KCNQ3: variants seen among roughly 807,000 people sequenced by gnomAD.
The protein encoded by KCNQ3 is potassium voltage-gated channel subfamily Q member 3.
In KCNQ3, 30 loss-of-function variants were observed where a neutral mutation model predicts 92.5. That is an observed-to-expected ratio of 0.32 (90% confidence interval 0.24 to 0.44). The LOEUF is 0.44. KCNQ3 is among the 20% of genes least tolerant of loss of function. The pLI is 1.00. For missense variants in KCNQ3, 913 were observed against 1,140.3 expected, an observed-to-expected ratio of 0.80 and a Z score of 2.87; for synonymous variants, 450 against 468.8, an observed-to-expected ratio of 0.96 and a Z score of 0.52.
At chr8:132,436,455 A>C (rs1821397704) in intron 1 of KCNQ3, among the ~76,000 whole-genome samples, 1 of 152,248 alleles carries the variant, frequency 6.6e-6, no homozygotes, top group Admixed American at 6.5e-5. Context: ...AGAAAAACTG[A>C]AAACAGCAGT....
At chr8:132,217,729 A>C (rs1430721981) in intron 1 of KCNQ3, among the ~76,000 whole-genome samples, 4 of 150,964 alleles carry the variant, frequency 2.6e-5, no homozygotes, top group East Asian at 1.9e-4. Flanking sequence ...AAAAAAAAAA[A>C]ACAAAACACT....
At chr8:132,300,322 T>A (rs1166937368) in intron 1 of KCNQ3, among the ~76,000 whole-genome samples, 1 of 152,198 alleles carries the variant, frequency 6.6e-6, no homozygotes, top group Non-Finnish European at 1.5e-5. Flanking sequence ...GCCTCCCATA[T>A]GACAGGAGTG....
chr8:132,258,414 G>T (rs925773010), intron 1 of KCNQ3, among the ~76,000 whole-genome samples: 1 of 151,864 alleles, frequency 6.6e-6, no homozygotes, highest in East Asian at 1.9e-4. Context: ...TCATCAAGGG[G>T]TCGGAAATAA....
intron 1 of KCNQ3, among the ~76,000 whole-genome samples, chr8:132,345,570 G>C (rs929933505): frequency 6.6e-6 from 1 of 152,240 alleles, no homozygotes; most frequent in East Asian, 1.9e-4. Context: ...TATACAGTGA[G>C]AGCACATACT....
chr8:132,364,815 T>A (rs1819274188), intron 1 of KCNQ3, among the ~76,000 whole-genome samples: 1 of 152,162 alleles, frequency 6.6e-6, no homozygotes, highest in African/African-American at 2.4e-5. Flanking sequence ...CTTATACTAC[T>A]AATCATATAA....
intron 1 of KCNQ3, among the ~76,000 whole-genome samples, chr8:132,457,137 CT>C (rs1328456406): frequency 6.6e-6 from 1 of 152,166 alleles, no homozygotes; most frequent in Non-Finnish European, 1.5e-5. Flanking sequence ...CAAACAGACC[CT>C]TTGGAAAGAG....
chr8:132,329,151 G>A (rs1001803934), intron 1 of KCNQ3, among the ~76,000 whole-genome samples: 3 of 152,208 alleles, frequency 2.0e-5, no homozygotes, highest in African/African-American at 7.2e-5. Context: ...AAAGTAGCAG[G>A]TAACGCCGGG....
chr8:132,454,741 G>GAA (rs1821900198), intron 1 of KCNQ3, among the ~76,000 whole-genome samples: 1 of 152,148 alleles, frequency 6.6e-6, no homozygotes, highest in Admixed American at 6.5e-5. Context: ...TACACCCATG[G>GAA]TCCTGGAAGT....
Position 132,480,336 on chromosome 8 carries a change from G to C in KCNQ3, c.197C>G (p.Thr66Ser). 6.3e-7 allele frequency: 1 copy of C among 1,599,374 alleles called. No homozygotes were observed. Among genetic ancestry groups the C allele is most frequent in the Non-Finnish European group, 8.5e-7 (1 of 1,175,372 alleles). ...ALGAGADKDG[T>S]LLLEGGGRDE... ...GCGGCCGCCGCCCTCCAGCAGCAGG[G>C]TCCCGTCTTTGTCGGCTCCGGCCCC... Residue 66 changes from threonine to serine, a missense_variant, in exon 1 of 15, where the codon ACC (threonine) becomes AGC (serine). Physicochemically the swap from Thr to Ser is moderately conservative, Grantham distance 58. Coordinates refer to ENST00000388996, the MANE Select transcript of KCNQ3 (RefSeq NM_004519.4).
intron 1 of KCNQ3, among the ~76,000 whole-genome samples, chr8:132,456,659 G>C (rs752749426): frequency 6.6e-6 from 1 of 151,508 alleles, no homozygotes; most frequent in Non-Finnish European, 1.5e-5. Flanking sequence ...CCAGGCTGCA[G>C]TGCAGTGGTG....
chr8:132,278,326 A>T (rs1244689517), intron 1 of KCNQ3: 4 of 478,720 alleles, frequency 8.4e-6, no homozygotes, highest in African/African-American at 2.1e-5. Context: ...AAGAAAAATG[A>T]AAAGAAAGAA....
chr8:132,300,459 C>T (rs1038213204), intron 1 of KCNQ3, among the ~76,000 whole-genome samples: 1 of 152,166 alleles, frequency 6.6e-6, no homozygotes, highest in African/African-American at 2.4e-5. Flanking sequence ...TTTTCGTTGG[C>T]TGTCAGAATG....
At position 132,477,280 on chromosome 8, in the gene KCNQ3, T is replaced by C. The variant is rs1025161764; in HGVS notation, c.386+2867A>G. Among the ~76,000 whole-genome samples, 11 of 151,992 alleles carry C rather than the reference T, an allele frequency of 7.2e-5. No homozygotes were observed. The South Asian group carries it at 1.7e-3, about 23-fold the overall frequency. ...AAGGTAAGGGTTTGATTGATTTCCA[T>C]ATTTCCTGTATTCTACCTTTAGGAA... On this transcript the variant is annotated intron_variant, in intron 1 of 14. Transcript: ENST00000388996.
At chr8:132,325,389 C>A (rs147012843) in intron 1 of KCNQ3, among the ~76,000 whole-genome samples, 1 of 152,088 alleles carries the variant, frequency 6.6e-6, no homozygotes. Flanking sequence ...AGAAAAGAGA[C>A]GACTGGCTGG....
At chr8:132,180,080 C>A in intron 4 of KCNQ3, 77 bp downstream of exon 4, 1 of 1,502,058 alleles carries the variant, frequency 6.7e-7, no homozygotes, top group Non-Finnish European at 9.2e-7. Flanking sequence ...GGGGACACTG[C>A]AAAGGAAGGG....
chr8:132,419,172 A>G (rs1251154002), intron 1 of KCNQ3, among the ~76,000 whole-genome samples: 1 of 152,188 alleles, frequency 6.6e-6, no homozygotes, highest in African/African-American at 2.4e-5. Context: ...CACTCTTTGA[A>G]GAAGGCAGAA....
At chr8:132,466,946 G>A (rs1203998902) in intron 1 of KCNQ3, among the ~76,000 whole-genome samples, 7 of 152,192 alleles carry the variant, frequency 4.6e-5, no homozygotes, top group Admixed American at 2.0e-4. Context: ...AATAAACCAC[G>A]TGCCCTGAGC....
intron 1 of KCNQ3, among the ~76,000 whole-genome samples, chr8:132,400,087 C>A (rs548072179): frequency 6.6e-6 from 1 of 152,188 alleles, no homozygotes; most frequent in Non-Finnish European, 1.5e-5. Context: ...CAGACCTGAG[C>A]AGTGAGCTGG....
chr8:132,260,656 C>T (rs1010973049), intron 1 of KCNQ3, among the ~76,000 whole-genome samples: 2 of 152,136 alleles, frequency 1.3e-5, no homozygotes, highest in Admixed American at 1.3e-4. Flanking sequence ...GCTCTCCAAT[C>T]TATTCCCATC....
Sources: allele counts gnomAD v4.1 joint callset (sites outside exome capture counted in the v4.1 genomes callset), GRCh38; gene constraint gnomAD v4.1.1; transcripts MANE v1.5; gene names NCBI Gene and HGNC (gene_info 2026-07-23, HGNC 2026-07-21).